Variants in NCKAP5 observed in about 807,000 individuals in gnomAD.
NCKAP5 encodes NCK associated protein 5.
Under a neutral mutation model 167.0 loss-of-function variants are expected in NCKAP5, and 92 were observed. The observed-to-expected ratio is 0.55, with a 90% CI of 0.47 to 0.66. NCKAP5 has a LOEUF of 0.66. Ranked by LOEUF, NCKAP5 falls within the 30% of genes least tolerant of loss-of-function variation. NCKAP5 has a pLI of 0.00. For missense variants in NCKAP5, 2,378 were observed against 2,315.0 expected (o/e 1.03, Z -0.56); for synonymous variants, 891 against 877.4 (o/e 1.02, Z -0.27).
chr2:133,546,513 C>A (rs978671418), intron 2 of NCKAP5, among the ~76,000 whole-genome samples: 2 of 152,062 alleles, frequency 1.3e-5, no homozygotes, highest in Non-Finnish European at 2.9e-5. Context: ...AGGGATATCA[C>A]GCGATGTGTG....
intron 5 of NCKAP5, among the ~76,000 whole-genome samples, chr2:133,187,180 T>A (rs1177012020): frequency 6.6e-6 from 1 of 152,008 alleles, no homozygotes; most frequent in Admixed American, 6.6e-5. Flanking sequence ...TTAAATAAAG[T>A]TTTTTGTTTC....
intron 6 of NCKAP5, among the ~76,000 whole-genome samples, chr2:133,033,587 G>A (rs545976725): frequency 6.6e-5 from 10 of 152,204 alleles, no homozygotes; most frequent in East Asian, 1.9e-4. Context: ...AAATAGCTGC[G>A]TTGAGGAAAC....
the NCKAP5 span, among the ~76,000 whole-genome samples, chr2:133,592,326 T>A: frequency 2.0e-5 from 3 of 152,208 alleles, no homozygotes; most frequent in Non-Finnish European, 4.4e-5. Flanking sequence ...TAAAAGTTGT[T>A]TATGTGTTTA....
intron 4 of NCKAP5, among the ~76,000 whole-genome samples, chr2:133,280,755 C>G (rs114034197): frequency 6.6e-6 from 1 of 152,084 alleles, no homozygotes. Context: ...ATGTAAATAG[C>G]GCTTTATTGG....
Position 132,868,994 on chromosome 2 carries a change from A to T in NCKAP5, c.649-20T>A. ...GGCTACCTTTAAAAAATAAAGAAAA[A>T]GTTGTCATTTATAATAATGAGACTT... On this transcript the variant is annotated intron_variant, in intron 9 of 19. Transcript: ENST00000409261. 3 of 1,521,358 alleles carry T rather than the reference A, an allele frequency of 2.0e-6. No homozygotes were observed. The highest frequency in any genetic ancestry group is 2.7e-6 in the Non-Finnish European group (3 of 1,131,630). 94.2% of individuals were successfully genotyped at this position (1,521,358 alleles called of 1,614,324 possible). A position where few individuals can be genotyped will look rare whatever the true frequency, so the allele number is the denominator to read the frequency against.
chr2:132,854,482 A>T (rs1392313044), intron 11 of NCKAP5, among the ~76,000 whole-genome samples: 2 of 152,180 alleles, frequency 1.3e-5, no homozygotes, highest in African/African-American at 4.8e-5. Context: ...TAGAAACCAG[A>T]TTGTGAGGAA....
chr2:132,898,846 A>G (rs1183369409), intron 8 of NCKAP5, among the ~76,000 whole-genome samples: 1 of 152,236 alleles, frequency 6.6e-6, no homozygotes, highest in Non-Finnish European at 1.5e-5. Flanking sequence ...TGGTTGTACC[A>G]TTTACAGAGG....
chr2:133,369,288 C>G (rs1685650844), intron 3 of NCKAP5, among the ~76,000 whole-genome samples: 1 of 152,132 alleles, frequency 6.6e-6, no homozygotes, highest in Non-Finnish European at 1.5e-5. Context: ...GAAGCAATGT[C>G]TGATGTTGGG....
chr2:133,327,897 G>T (rs1221905212), intron 3 of NCKAP5, among the ~76,000 whole-genome samples: 1 of 152,110 alleles, frequency 6.6e-6, no homozygotes, highest in Non-Finnish European at 1.5e-5. Flanking sequence ...GGAGAGAGGG[G>T]CTGGTACTGG....
chr2:133,273,802 A>C (rs2150424795), intron 4 of NCKAP5, among the ~76,000 whole-genome samples: 1 of 139,604 alleles, frequency 7.2e-6, no homozygotes, highest in Non-Finnish European at 1.6e-5. Flanking sequence ...ATTTCCAAAA[A>C]AAAATTTGGG....
intron 3 of NCKAP5, among the ~76,000 whole-genome samples, chr2:133,431,453 A>G (rs1043931787): frequency 3.9e-5 from 6 of 152,112 alleles, no homozygotes; most frequent in African/African-American, 9.7e-5. Flanking sequence ...TCCAAGGTAT[A>G]CAGCTTGGAG....
At chr2:132,870,780 A>T (rs1267584990) in intron 9 of NCKAP5, among the ~76,000 whole-genome samples, 1 of 150,476 alleles carries the variant, frequency 6.6e-6, no homozygotes, top group Admixed American at 6.7e-5. Flanking sequence ...TTGTTTTTTG[A>T]CTCAATACTG....
chr2:133,384,242 A>G (rs911237440), intron 3 of NCKAP5, among the ~76,000 whole-genome samples: 1 of 152,206 alleles, frequency 6.6e-6, no homozygotes, highest in African/African-American at 2.4e-5. Flanking sequence ...TATAAAGTGT[A>G]AGGAAGGGAT....
chr2:133,067,111 C>T (rs141890569), intron 6 of NCKAP5, among the ~76,000 whole-genome samples: 2,023 of 152,124 alleles, frequency 0.013, 44 homozygotes, highest in African/African-American at 0.046. Flanking sequence ...ATGATCCTCC[C>T]GCCTCAGCCT....
At chr2:132,919,917 T>C (rs893682606) in intron 8 of NCKAP5, among the ~76,000 whole-genome samples, 1 of 152,150 alleles carries the variant, frequency 6.6e-6, no homozygotes, top group African/African-American at 2.4e-5. Flanking sequence ...AGAGGCCAAG[T>C]CTTGCTTGTG....
chr2:133,035,149 A>T (rs2149436981), intron 6 of NCKAP5, among the ~76,000 whole-genome samples: 1 of 152,152 alleles, frequency 6.6e-6, no homozygotes, highest in East Asian at 1.9e-4. Context: ...TAAGACAAAA[A>T]CTTTACAAAG....
chr2:133,062,541 T>G (rs529375031), intron 6 of NCKAP5, among the ~76,000 whole-genome samples: 3 of 152,336 alleles, frequency 2.0e-5, no homozygotes, highest in Non-Finnish European at 2.9e-5. Context: ...ATTCTTCAAT[T>G]GAGCTACTCA....
At chr2:132,974,829 C>T (rs992875945) in intron 7 of NCKAP5, among the ~76,000 whole-genome samples, 4 of 152,124 alleles carry the variant, frequency 2.6e-5, no homozygotes, top group African/African-American at 9.7e-5. Context: ...TTTAACAAAC[C>T]ACCACCACTT....
At chr2:133,546,746 A>C (rs1237344826) in intron 2 of NCKAP5, among the ~76,000 whole-genome samples, 1 of 152,224 alleles carries the variant, frequency 6.6e-6, no homozygotes, top group East Asian at 1.9e-4. Flanking sequence ...GAAAACTCTG[A>C]GAGACATAAT....
Sources: allele counts gnomAD v4.1 joint callset (sites outside exome capture counted in the v4.1 genomes callset), GRCh38; gene constraint gnomAD v4.1.1; transcripts MANE v1.5; gene names NCBI Gene and HGNC (gene_info 2026-07-23, HGNC 2026-07-21).